Variants in SND1 observed in about 807,000 individuals in gnomAD.
The protein encoded by SND1 is staphylococcal nuclease domain-containing protein 1.
SND1 carries 38 observed loss-of-function variants against 121.7 expected under a neutral mutation model. The observed-to-expected ratio is 0.31, with a 90% CI of 0.24 to 0.41. The LOEUF (loss-of-function observed/expected upper bound fraction) is 0.41. Among genes scored for constraint, SND1 ranks in the 10% least tolerant of loss-of-function variants. SND1 has a pLI of 1.00. For synonymous variants in SND1, 401 were observed against 447.4 expected (o/e 0.90, Z 1.31); for missense variants, 868 against 1,184.6 (o/e 0.73, Z 3.92).
At chr7:127,661,628 C>T (rs538594570) in intron 1 of SND1, among the ~76,000 whole-genome samples, 1 of 152,084 alleles carries the variant, frequency 6.6e-6, no homozygotes, top group South Asian at 2.1e-4. Context: ...TTACGAAGTC[C>T]TTATGATTAG....
At chr7:127,904,692 A>C in intron 13 of SND1, 55 bp from the exon 14 acceptor site, 1 of 1,226,538 alleles carries the variant, frequency 8.2e-7, no homozygotes, top group South Asian at 1.2e-5. Context: ...GCACCCTCCT[A>C]CCCCTTCCCA....
chr7:127,816,177 G>A (rs1464937708), intron 11 of SND1, among the ~76,000 whole-genome samples: 1 of 152,164 alleles, frequency 6.6e-6, no homozygotes, highest in East Asian at 1.9e-4. Context: ...CCCAGTCACA[G>A]GGCCTCCATC....
intron 15 of SND1, among the ~76,000 whole-genome samples, chr7:127,945,264 G>A (rs1801303318): frequency 6.6e-6 from 1 of 152,188 alleles, no homozygotes; most frequent in Non-Finnish European, 1.5e-5. Context: ...AGGCCGAGGT[G>A]GGCGGATCAC....
rs182124883 is a variant in SND1 at position 127,832,949 on chromosome 7, C to G, written c.1243-11375C>G. Among the ~76,000 whole-genome samples, 203 of 152,318 alleles carry G rather than the reference C, an allele frequency of 1.3e-3. 1 individual carries two copies. The highest frequency in any genetic ancestry group is 3.5e-3 in the South Asian group (17 of 4,826). ...TTATGAGAATCTAATGCTTGATGAT[C>G]TGAAGGTGGGACAGTTTCATCCCGA... is the stretch of plus-strand genomic sequence containing the variant. On this transcript the variant is annotated intron_variant, in intron 11 of 23. Coordinates refer to ENST00000354725, the MANE Select transcript of SND1 (RefSeq NM_014390.4).
chr7:127,722,325 A>G (rs1348790835), intron 10 of SND1, among the ~76,000 whole-genome samples: 1 of 147,552 alleles, frequency 6.8e-6, no homozygotes, highest in Non-Finnish European at 1.5e-5. Context: ...TTTTTTTTTA[A>G]GAAACAGGGT....
chr7:128,046,088 T>C (rs756002211), intron 16 of SND1, among the ~76,000 whole-genome samples: 5 of 152,082 alleles, frequency 3.3e-5, no homozygotes, highest in Non-Finnish European at 7.4e-5. Flanking sequence ...GAGCCATGAA[T>C]TTGGATACAG....
At chr7:127,729,842 A>G (rs1270013828) in intron 10 of SND1, among the ~76,000 whole-genome samples, 58 of 152,148 alleles carry the variant, frequency 3.8e-4, no homozygotes, top group Non-Finnish European at 1.5e-5. Flanking sequence ...GAAGGACACA[A>G]ATGATTTCCC....
chr7:127,951,181 A>G (rs780136621), intron 15 of SND1, among the ~76,000 whole-genome samples: 4 of 152,220 alleles, frequency 2.6e-5, no homozygotes, highest in Non-Finnish European at 5.9e-5. Context: ...ATGGCCATCT[A>G]GGAACCAATG....
intron 16 of SND1, among the ~76,000 whole-genome samples, chr7:128,011,585 C>T (rs1247267704): frequency 1.3e-5 from 2 of 152,258 alleles, no homozygotes; most frequent in South Asian, 2.1e-4. Context: ...GGTTCTTACC[C>T]CAGCTGCACA....
chr7:127,887,897 T>A lies in SND1; in HGVS notation c.1344-5T>A. On this transcript the variant is annotated splice_polypyrimidine_tract_variant and splice_region_variant and intron_variant, in intron 12 of 23. Transcript: ENST00000354725. Reference sequence around the variant, plus strand: ...GTGCTCACTGACCTATCTTTTCTGTTGCAGAAACATTGCTGAGGCTCTTGT... The same window carrying A: ...GTGCTCACTGACCTATCTTTTCTGTAGCAGAAACATTGCTGAGGCTCTTGT... 7 of 1,605,736 alleles carry A rather than the reference T, an allele frequency of 4.4e-6. No individual in the cohort carries two copies. Among genetic ancestry groups the A allele is most frequent in the Non-Finnish European group, 6.0e-6 (7 of 1,173,444 alleles).
chr7:128,028,712 A>G (rs377394156), intron 16 of SND1: 2 of 1,613,742 alleles, frequency 1.2e-6, no homozygotes, highest in East Asian at 4.5e-5. Flanking sequence ...TGTCCTTGGT[A>G]TGGGTCTGAA....
At chr7:128,089,303 C>G (rs1793736592) in intron 21 of SND1, among the ~76,000 whole-genome samples, 186 bp from the exon 22 acceptor site, 1 of 152,212 alleles carries the variant, frequency 6.6e-6, no homozygotes, top group Non-Finnish European at 1.5e-5. Context: ...GTCCACCCAC[C>G]TCAGCCTCCC....
At chr7:127,759,369 TTTTG>T (rs1393069037) in intron 10 of SND1, among the ~76,000 whole-genome samples, 1 of 152,192 alleles carries the variant, frequency 6.6e-6, no homozygotes, top group African/African-American at 2.4e-5. Flanking sequence ...ACATTAATTT[TTTTG>T]TTTGTTTTCA....
chr7:127,766,485 C>T (rs929839867), intron 10 of SND1, among the ~76,000 whole-genome samples: 4 of 152,040 alleles, frequency 2.6e-5, no homozygotes, highest in African/African-American at 7.2e-5. Context: ...TAGTTCTTTT[C>T]TTATCTTAGG....
intron 10 of SND1, among the ~76,000 whole-genome samples, chr7:127,772,150 T>A (rs1437008301): frequency 1.3e-5 from 2 of 152,192 alleles, no homozygotes; most frequent in Non-Finnish European, 2.9e-5. Context: ...TTTAGATTAA[T>A]GCTGTTTACA....
At chr7:127,785,651 A>G (rs756530876) in intron 10 of SND1, among the ~76,000 whole-genome samples, 1 of 152,220 alleles carries the variant, frequency 6.6e-6, no homozygotes, top group Non-Finnish European at 1.5e-5. Flanking sequence ...TTTATTTGCA[A>G]AACCTCAAAT....
At chr7:127,738,292 T>C (rs1254706511) in intron 10 of SND1, among the ~76,000 whole-genome samples, 1 of 149,714 alleles carries the variant, frequency 6.7e-6, no homozygotes, top group Non-Finnish European at 1.5e-5. Flanking sequence ...TTTTCTTTTT[T>C]TTTTTTTTTG....
intron 5 of SND1, 135 bp from the exon 6 acceptor site, chr7:127,702,300 A>G (rs1286012031): frequency 1.4e-6 from 1 of 707,918 alleles, no homozygotes; most frequent in Non-Finnish European, 2.5e-6. Flanking sequence ...CTGCAAGTGC[A>G]TCCTTACTTT....
chr7:127,656,369 C>G (rs1341032977), intron 1 of SND1, among the ~76,000 whole-genome samples: 1 of 148,354 alleles, frequency 6.7e-6, no homozygotes, highest in Admixed American at 6.8e-5. Flanking sequence ...GTCGCCCAGG[C>G]TGGAGTGCAG....
Sources: gnomAD v4.1 joint callset for allele counts (sites outside exome capture counted in the v4.1 genomes callset) on GRCh38, gnomAD v4.1.1 for gene constraint, MANE v1.5 for transcripts, NCBI Gene and HGNC (gene_info 2026-07-23, HGNC 2026-07-21) for gene names.